The following AGMO variants were observed in gnomAD, a reference collection of about 807,000 sequenced individuals.
AGMO encodes alkylglycerol monooxygenase, also known as glyceryl-ether monooxygenase.
AGMO carries 75 observed loss-of-function variants against 60.2 expected under a neutral mutation model. The ratio of observed to expected loss-of-function variants is 1.25; its 90% CI spans 1.03 to 1.51. The LOEUF (loss-of-function observed/expected upper bound fraction) is 1.51, where lower values mean the gene tolerates loss of function less well. Among genes scored for constraint, AGMO ranks in the 40% most tolerant of loss-of-function variants. The probability of loss-of-function intolerance (pLI) is 0.00; values close to 1 mark genes in which losing one functional copy is unlikely to be tolerated. For synonymous variants in AGMO, 261 were observed against 177.1 expected, an observed-to-expected ratio of 1.47 and a Z score of -3.76; for missense variants, 763 against 525.5, an observed-to-expected ratio of 1.45 and a Z score of -4.42.
chr7:15,390,302 C>G (rs1784083227), intron 8 of AGMO, among the ~76,000 whole-genome samples: 1 of 152,178 alleles, frequency 6.6e-6, no homozygotes, highest in Non-Finnish European at 1.5e-5. Context: ...TAACCAGAGT[C>G]ATGCACCCTG....
At chr7:15,210,666 G>A (rs1191019139) in intron 12 of AGMO, among the ~76,000 whole-genome samples, 1 of 152,020 alleles carries the variant, frequency 6.6e-6, no homozygotes, top group Non-Finnish European at 1.5e-5. Context: ...ACAGAGAACA[G>A]AATTGCATTT....
At chr7:15,380,841 C>A (rs563738225) in intron 10 of AGMO, among the ~76,000 whole-genome samples, 52 of 152,110 alleles carry the variant, frequency 3.4e-4, no homozygotes, top group African/African-American at 1.2e-3. Flanking sequence ...GTCACATAGA[C>A]CAATGGAACA....
At chr7:15,329,888 G>T (rs1242354990) in intron 12 of AGMO, among the ~76,000 whole-genome samples, 2 of 152,108 alleles carry the variant, frequency 1.3e-5, no homozygotes, top group African/African-American at 4.8e-5. Context: ...GGGTTGAGCT[G>T]CGGGTCTCTA....
chr7:15,140,748 G>T, the AGMO span, among the ~76,000 whole-genome samples: 1 of 150,586 alleles, frequency 6.6e-6, no homozygotes, highest in Non-Finnish European at 1.5e-5. Context: ...TCAAATTTTT[G>T]GATTTTTTTA....
intron 3 of AGMO, among the ~76,000 whole-genome samples, chr7:15,447,926 T>C (rs1781745757): frequency 6.6e-6 from 1 of 152,148 alleles, no homozygotes; most frequent in African/African-American, 2.4e-5. Flanking sequence ...ATTCACAATA[T>C]CAAGCAGAAA....
chr7:15,273,933 T>C (rs1783698596), intron 12 of AGMO, among the ~76,000 whole-genome samples: 1 of 152,210 alleles, frequency 6.6e-6, no homozygotes, highest in East Asian at 1.9e-4. Context: ...TGTCTGTTAT[T>C]TGTGTATAAG....
intron 12 of AGMO, among the ~76,000 whole-genome samples, chr7:15,342,172 T>TAAAA (rs775057626): frequency 0.09 from 4,851 of 54,168 alleles, 496 homozygotes; most frequent in Middle Eastern, 0.14. Context: ...CCCACAGAGT[T>TAAAA]AAAAAAAAAA....
the AGMO span, among the ~76,000 whole-genome samples, chr7:15,182,465 G>A: frequency 6.6e-6 from 1 of 152,082 alleles, no homozygotes; most frequent in Non-Finnish European, 1.5e-5. Context: ...GCCCAGGCTG[G>A]AGTGCAGTGG....
At chr7:15,444,520 G>A (rs1038630075) in intron 3 of AGMO, among the ~76,000 whole-genome samples, 7 of 152,278 alleles carry the variant, frequency 4.6e-5, no homozygotes, top group African/African-American at 9.6e-5. Context: ...TTTAGATGCC[G>A]TTGTATTTGA....
intron 12 of AGMO, among the ~76,000 whole-genome samples, chr7:15,355,207 A>C (rs1782476543): frequency 6.6e-6 from 1 of 152,124 alleles, no homozygotes; most frequent in South Asian, 2.1e-4. Flanking sequence ...AATCTTGCTA[A>C]AGAAGCCAAT....
chr7:15,287,988 C>G (rs528990250), intron 12 of AGMO, among the ~76,000 whole-genome samples: 30 of 152,066 alleles, frequency 2.0e-4, no homozygotes, highest in African/African-American at 7.0e-4. Flanking sequence ...CTGTCACTTT[C>G]TAAAAATGAT....
In AGMO at chr7:15,390,891, A is replaced by G; in HGVS notation, c.691T>C (p.Cys231Arg). 6.2e-7 allele frequency: 1 copy of G among 1,601,130 alleles called. No individual in the cohort carries two copies. Among genetic ancestry groups the G allele is most frequent in the Non-Finnish European group, 8.5e-7 (1 of 1,173,044 alleles). ...ACACCAGCATAATTTTTGTCTATGCAATAACGATTTCTGCCTATGAGACAA... is the reference window on the plus strand; with the variant it reads ...ACACCAGCATAATTTTTGTCTATGCGATAACGATTTCTGCCTATGAGACAA... The part of the protein sequence containing the change: ...HRVHHGRNRY[C>R]IDKNYAGVLI... The change falls in exon 7 of 13, where the codon TGC (cysteine) becomes CGC (arginine). Residue 231 changes from cysteine to arginine, a missense_variant. By Grantham distance (180) the Cys-to-Arg change is radical (BLOSUM62 -3). Coordinates refer to ENST00000342526, the MANE Select transcript of AGMO (RefSeq NM_001004320.2).
chr7:15,381,678 T>C (rs1319186983), intron 10 of AGMO, among the ~76,000 whole-genome samples: 1 of 152,112 alleles, frequency 6.6e-6, no homozygotes, highest in Non-Finnish European at 1.5e-5. Context: ...TAGGTATACA[T>C]ACAAGGGAAT....
rs1206305589 is a variant in AGMO, at chr7:15,524,156, TGTAAGA to T, written c.409+20610_409+20615del. On this transcript the variant is annotated intron_variant, in intron 3 of 12. Coordinates refer to ENST00000342526, the MANE Select transcript of AGMO (RefSeq NM_001004320.2). The stretch of plus-strand genomic sequence containing the variant: ...GACAATAGAAGTATAAATATGAAAG[TGTAAGA>T]GTAAAATGCTAAAATAGTAAACTTG... 2.0e-5 allele frequency among the ~76,000 whole-genome samples: 3 copies of T among 152,112 alleles called. No homozygotes were observed. In the East Asian group the frequency reaches 5.8e-4, roughly 29 times the overall value.
intron 3 of AGMO, among the ~76,000 whole-genome samples, chr7:15,512,506 G>T (rs1309758071): frequency 6.6e-6 from 1 of 152,042 alleles, no homozygotes; most frequent in Non-Finnish European, 1.5e-5. Context: ...ACCCTCCTCG[G>T]CCTCCCAAAG....
intron 10 of AGMO, among the ~76,000 whole-genome samples, chr7:15,376,206 C>G (rs561171261): frequency 2.6e-5 from 4 of 151,876 alleles, no homozygotes; most frequent in Admixed American, 2.0e-4. Flanking sequence ...CCCCACATTA[C>G]GTAACTTAGT....
At chr7:15,445,681 A>G (rs1196781803) in intron 3 of AGMO, among the ~76,000 whole-genome samples, 2 of 152,316 alleles carry the variant, frequency 1.3e-5, no homozygotes, top group Middle Eastern at 6.8e-3. Context: ...AACATCAAAC[A>G]TAAAAAAACA....
chr7:15,155,294 TA>T, the AGMO span, among the ~76,000 whole-genome samples: 1 of 152,046 alleles, frequency 6.6e-6, no homozygotes, highest in African/African-American at 2.4e-5. Context: ...TTTGCTGCAT[TA>T]AAAAATTTTT....
Position 15,390,757 on chromosome 7 carries a change from GATAAAT to G in AGMO, c.743-13_743-8del, listed in dbSNP as rs773365130. 60 of 1,604,676 alleles carry G rather than the reference GATAAAT, an allele frequency of 3.7e-5. No homozygotes were observed. Among genetic ancestry groups the G allele is most frequent in the Non-Finnish European group, 5.1e-5 (60 of 1,172,588 alleles). ...TTTTCTGCTTCAAATGTCCCTGGAA[GATAAAT>G]ATAAAGATATGAGATTTGGCTTCCT... On this transcript the variant is annotated splice_polypyrimidine_tract_variant and splice_region_variant and intron_variant, in intron 7 of 12. Transcript: ENST00000342526.
Sources: allele counts gnomAD v4.1 joint callset (sites outside exome capture counted in the v4.1 genomes callset), GRCh38; gene constraint gnomAD v4.1.1; transcripts MANE v1.5; gene names NCBI Gene and HGNC (gene_info 2026-07-23, HGNC 2026-07-21).